Variants in RAPGEF2 observed in about 807,000 individuals in gnomAD.
RAPGEF2 encodes Rap guanine nucleotide exchange factor 2.
RAPGEF2 carries 54 observed loss-of-function variants against 186.7 expected under a neutral mutation model. The ratio of observed to expected loss-of-function variants is 0.29; its 90% CI spans 0.23 to 0.36. The LOEUF (loss-of-function observed/expected upper bound fraction) is 0.36. RAPGEF2 is among the 10% of genes least tolerant of loss of function. The pLI, the probability that RAPGEF2 is intolerant of heterozygous loss-of-function variation, is 1.00. For missense variants in RAPGEF2, 1,532 were observed against 2,045.0 expected, an observed-to-expected ratio of 0.75 and a Z score of 4.84; for synonymous variants, 712 against 705.9, an observed-to-expected ratio of 1.01 and a Z score of -0.14.
intron 7 of RAPGEF2, among the ~76,000 whole-genome samples, chr4:159,253,199 C>T (rs1019344810): frequency 6.6e-6 from 1 of 152,166 alleles, no homozygotes; most frequent in Non-Finnish European, 1.5e-5. Context: ...AAAGACTGCA[C>T]CAAAATTTGA....
chr4:159,273,674 CTTTCTTT>C (rs1758456174), intron 7 of RAPGEF2, among the ~76,000 whole-genome samples: 1 of 148,012 alleles, frequency 6.8e-6, no homozygotes, highest in African/African-American at 2.5e-5. Flanking sequence ...TTCTTTCTTT[CTTTCTTT>C]CTTTCTTTCT....
intron 1 of RAPGEF2, among the ~76,000 whole-genome samples, chr4:159,165,073 T>C (rs1367294128): frequency 2.0e-5 from 3 of 152,258 alleles, no homozygotes; most frequent in South Asian, 2.1e-4. Flanking sequence ...TTTTTTTTCT[T>C]TTTTGGGGAA....
chr4:159,316,184 A>G (rs1764580832), intron 9 of RAPGEF2, among the ~76,000 whole-genome samples: 2 of 151,930 alleles, frequency 1.3e-5, no homozygotes. Flanking sequence ...GTCACTCCTC[A>G]CTATGTCCCC....
chr4:159,149,094 A>G (rs977894773), intron 1 of RAPGEF2, among the ~76,000 whole-genome samples: 2 of 152,210 alleles, frequency 1.3e-5, no homozygotes, highest in Non-Finnish European at 2.9e-5. Flanking sequence ...ACCCTTTTGC[A>G]TAGCTGTCAT....
Position 159,202,606 on chromosome 4 carries a change from T to C in RAPGEF2, c.198-7894T>C, listed in dbSNP as rs139582834. Among the ~76,000 whole-genome samples the C allele has an allele frequency of 3.0e-4, 45 of 152,264 alleles. 1 individual carries two copies. The highest frequency in any genetic ancestry group is 1.0e-3 in the African/African-American group (42 of 41,546). On this transcript the variant is annotated intron_variant, in intron 3 of 29. Transcript: ENST00000691494. ...GTCAGTCCCCCTTGGCTTTTCTTTC[T>C]TTCTTCGTTTTTTTGGCGGAGTTTT...
Position 159,105,823 on chromosome 4 carries a change from T to A in RAPGEF2, c.69+1592T>A, listed in dbSNP as rs71609027. Among the ~76,000 whole-genome samples the A allele has an allele frequency of 6.3e-3, 964 of 152,304 alleles. 11 individuals carry two copies. Among genetic ancestry groups the A allele is most frequent in the Non-Finnish European group, 9.5e-3 (646 of 68,022 alleles). On this transcript the variant is annotated intron_variant, in intron 1 of 29. Coordinates refer to ENST00000691494, the MANE Select transcript of RAPGEF2 (RefSeq NM_001394067.2). The stretch of plus-strand genomic sequence containing the variant: ...CAAGAATATTGTTTTAAGTGCCAAG[T>A]GAAATTACGCATGCTGAGAATATTA...
At chr4:159,138,495 A>C (rs1353648981) in intron 1 of RAPGEF2, among the ~76,000 whole-genome samples, 1 of 152,116 alleles carries the variant, frequency 6.6e-6, no homozygotes, top group African/African-American at 2.4e-5. Context: ...TTCAGACCTT[A>C]GGATGTAGGC....
At chr4:159,104,521 A>AGAGAGAGG (rs1560964711) in intron 1 of RAPGEF2, among the ~76,000 whole-genome samples, 2 of 124,802 alleles carry the variant, frequency 1.6e-5, no homozygotes, top group Non-Finnish European at 3.3e-5. Flanking sequence ...AGAGAGAGAG[A>AGAGAGAGG]GAGAGGGAGA....
At chr4:159,125,681 A>T (rs536615960) in intron 1 of RAPGEF2, among the ~76,000 whole-genome samples, 1 of 151,620 alleles carries the variant, frequency 6.6e-6, no homozygotes, top group Non-Finnish European at 1.5e-5. Flanking sequence ...TGGCGTGAAC[A>T]TGGGTGGCAG....
rs112495121 is a variant in RAPGEF2 at position 159,199,470 on chromosome 4, GT to G, written c.197+6225del. 5.6e-3 allele frequency among the ~76,000 whole-genome samples: 817 copies of G among 145,534 alleles called. 2 individuals are homozygous for G. Among genetic ancestry groups the G allele is most frequent in the Non-Finnish European group, 9.6e-3 (630 of 65,656 alleles). ...ATTTGCATTTAGTCTGTTCCCGATG[GT>G]TTTTTTTTTTCAATTCTCTATTCAA... On this transcript the variant is annotated intron_variant, in intron 3 of 29. Coordinates refer to ENST00000691494, the MANE Select transcript of RAPGEF2 (RefSeq NM_001394067.2).
At chr4:159,168,597 C>A (rs940496633) in intron 1 of RAPGEF2, among the ~76,000 whole-genome samples, 1 of 152,030 alleles carries the variant, frequency 6.6e-6, no homozygotes, top group Admixed American at 6.6e-5. Context: ...CAGAAGACAT[C>A]ACTTTATATT....
At chr4:159,267,348 C>T in intron 7 of RAPGEF2, 1 of 1,284,368 alleles carries the variant, frequency 7.8e-7, no homozygotes, top group Non-Finnish European at 1.0e-6. Flanking sequence ...GTATTGCATT[C>T]AGACTCATGA....
At chr4:159,149,466 CCAGGCTGGT>C (rs1743301667) in intron 1 of RAPGEF2, among the ~76,000 whole-genome samples, 1 of 152,060 alleles carries the variant, frequency 6.6e-6, no homozygotes, top group African/African-American at 2.4e-5. Context: ...AGCATCTTGG[CCAGGCTGGT>C]CTTGAACTCC....
At chr4:159,136,149 T>C (rs1157934856) in intron 1 of RAPGEF2, among the ~76,000 whole-genome samples, 2 of 152,266 alleles carry the variant, frequency 1.3e-5, no homozygotes, top group African/African-American at 4.8e-5. Context: ...GCATTTAGCA[T>C]TTTAAAAAAT....
intron 1 of RAPGEF2, among the ~76,000 whole-genome samples, chr4:159,146,574 A>G (rs1309179272): frequency 6.6e-6 from 1 of 152,208 alleles, no homozygotes; most frequent in Non-Finnish European, 1.5e-5. Flanking sequence ...TGTTATTGCT[A>G]TTATCATGTT....
chr4:159,137,918 T>C (rs1229694315), intron 1 of RAPGEF2, among the ~76,000 whole-genome samples: 3 of 152,240 alleles, frequency 2.0e-5, no homozygotes, highest in Non-Finnish European at 4.4e-5. Context: ...GATTTGTAAT[T>C]AGCTTTCAAC....
chr4:159,126,208 G>C (rs1039649670), intron 1 of RAPGEF2, among the ~76,000 whole-genome samples: 6 of 152,094 alleles, frequency 3.9e-5, no homozygotes, highest in African/African-American at 1.4e-4. Flanking sequence ...TTACTGTGTA[G>C]CATTTTATAC....
chr4:159,231,563 G>C (rs1276877220), intron 4 of RAPGEF2, among the ~76,000 whole-genome samples: 1 of 152,010 alleles, frequency 6.6e-6, no homozygotes, highest in Admixed American at 6.6e-5. Context: ...TGAGATTAAT[G>C]TTAGGGGAAA....
intron 7 of RAPGEF2, among the ~76,000 whole-genome samples, chr4:159,251,001 A>G (rs1248290419): frequency 6.6e-6 from 1 of 152,212 alleles, no homozygotes; most frequent in Non-Finnish European, 1.5e-5. Flanking sequence ...CAGGCTTAGC[A>G]GGCCCTGCAC....
Sources: gnomAD v4.1 joint callset for allele counts (sites outside exome capture counted in the v4.1 genomes callset) on GRCh38, gnomAD v4.1.1 for gene constraint, MANE v1.5 for transcripts, NCBI Gene and HGNC (gene_info 2026-07-23, HGNC 2026-07-21) for gene names.